The following IGFN1 variants were observed in gnomAD, a reference collection of about 807,000 sequenced individuals.
IGFN1 encodes the protein immunoglobulin like and fibronectin type III domain containing 1.
In IGFN1, 253 loss-of-function variants were observed where a neutral mutation model predicts 289.5. The observed-to-expected ratio is 0.87, with a 90% CI of 0.79 to 0.97. The LOEUF (loss-of-function observed/expected upper bound fraction) is 0.97, where lower values mean the gene tolerates loss of function less well. Among genes scored for constraint, IGFN1 ranks in the 50% least tolerant of loss-of-function variants. The pLI is 0.00. For synonymous variants in IGFN1, 1,706 were observed against 1,788.5 expected, an observed-to-expected ratio of 0.95 and a Z score of 1.16; for missense variants, 4,470 against 4,686.1, an observed-to-expected ratio of 0.95 and a Z score of 1.35.
intron 21 of IGFN1, 105 bp from the exon 22 acceptor site, chr1:201,225,719 G>C: frequency 1.0e-6 from 1 of 985,302 alleles, no homozygotes; most frequent in South Asian, 1.7e-5. Context: ...TGTGTGGCAA[G>C]ACTGCGTTCC....
rs1667856428 is a variant in IGFN1, at chr1:201,212,300, C to T, written c.7407C>T (p.Gly2469=). ...DERGSTKDLG[G]YGTSGIPEAS... ...GAGGCTCCACCAAAGATCTTGGGGG[C>T]TATGGAACTTCAGGGATCCCTGAGG... is the stretch of plus-strand genomic sequence containing the variant. Residue 2469 remains glycine (G), a synonymous_variant, in exon 12 of 24, where the codon GGC becomes GGT. Transcript: ENST00000335211. The T allele has an allele frequency of 6.5e-7, 1 of 1,536,486 alleles. No individual in the cohort carries two copies. The highest frequency in any genetic ancestry group is 8.7e-7 in the Non-Finnish European group (1 of 1,146,742).
intron 15 of IGFN1, 67 bp from the exon 16 acceptor site, chr1:201,216,387 G>A (rs536457217): frequency 7.5e-7 from 1 of 1,330,926 alleles, no homozygotes; most frequent in Non-Finnish European, 1.0e-6. Flanking sequence ...GAGTTGGGGG[G>A]GTTGGCGCTG....
intron 5 of IGFN1, among the ~76,000 whole-genome samples, chr1:201,198,718 C>T (rs555512398): frequency 4.6e-5 from 7 of 152,184 alleles, no homozygotes; most frequent in South Asian, 4.1e-4. Context: ...TGAACCATCA[C>T]GACCAGTCCA....
chr1:201,226,914 G>C lies in IGFN1; in HGVS notation c.10819G>C (p.Glu3607Gln), dbSNP rs768031064. 8 of 1,606,842 alleles carry C rather than the reference G, an allele frequency of 5.0e-6. No individual in the cohort carries two copies. The Admixed American group carries it at 1.2e-4, about 24-fold the overall frequency. ...CACAGTGAAGGCTCCGTGCTACCGG[G>C]AGCCCGACCTGAGCCAGAAGCCCCG... ...RFTVKAPCYR[E>Q]PDLSQKPRFL... The change falls in exon 23 of 24, where the codon GAG becomes CAG. Residue 3607 changes from glutamate (E) to glutamine (Q), a missense_variant. Physicochemically the swap from Glu to Gln is conservative, Grantham distance 29. This residue lies in a region of IGFN1 where 2,218 missense variants were observed against 2,114.1 expected (regional missense o/e 1.05). Transcript: ENST00000335211.
Position 201,215,846 on chromosome 1 carries a change from C to A in IGFN1, c.9295+8C>A. On this transcript the variant is annotated splice_region_variant and intron_variant, in intron 15 of 23. Transcript: ENST00000335211. Reference sequence around the variant, plus strand: ...TCACTCTGCAAGTCATAGGTACCAGCCCTGTCTTCCCCCAACTAAGGCCTG... The same window carrying A: ...TCACTCTGCAAGTCATAGGTACCAGACCTGTCTTCCCCCAACTAAGGCCTG... The A allele has an allele frequency of 2.5e-6, 4 of 1,604,322 alleles. No homozygotes were observed. Among genetic ancestry groups the A allele is most frequent in the Non-Finnish European group, 8.5e-7 (1 of 1,175,772 alleles).
intron 8 of IGFN1, 44 bp downstream of exon 8, chr1:201,200,455 A>C: frequency 6.8e-7 from 1 of 1,480,264 alleles, no homozygotes; most frequent in Non-Finnish European, 9.2e-7. Flanking sequence ...CCCACCCCAC[A>C]CACCTGGACC....
chr1:201,195,608 G>A (rs1666883419), intron 3 of IGFN1, among the ~76,000 whole-genome samples: 1 of 152,110 alleles, frequency 6.6e-6, no homozygotes, highest in Non-Finnish European at 1.5e-5. Flanking sequence ...AGCAGCCCAA[G>A]CTTCTGCAAT....
chr1:201,200,205 C>T, intron 7 of IGFN1, 32 bp from the exon 8 acceptor site: 14 of 1,538,462 alleles, frequency 9.1e-6, no homozygotes, highest in Non-Finnish European at 1.1e-5. Flanking sequence ...AGGGATTCCT[C>T]TGGCCTCTGA....
rs764226660 is a variant in IGFN1 at position 201,221,677 on chromosome 1, G to A, written c.10132G>A (p.Ala3378Thr). The A allele has an allele frequency of 4.2e-5, 68 of 1,613,886 alleles. No individual in the cohort carries two copies. Among genetic ancestry groups the A allele is most frequent in the Non-Finnish European group, 5.7e-5 (67 of 1,179,938 alleles). ...PGEGYFVRVT[A>T]VNEGGQSQPS... is the part of the protein sequence containing the mutation. The stretch of plus-strand genomic sequence containing the variant: ...AGAGGGCTACTTCGTGCGGGTGACA[G>A]CAGTTAATGAAGGAGGCCAGAGCCA... Residue 3378 changes from alanine (A) to threonine (T), a missense_variant, in exon 19 of 24, where the codon GCA becomes ACA. Coordinates refer to ENST00000335211, the MANE Select transcript of IGFN1 (RefSeq NM_001164586.2).
chr1:201,217,590 T>A, intron 17 of IGFN1, 130 bp downstream of exon 17: 1 of 893,250 alleles, frequency 1.1e-6, no homozygotes, highest in Non-Finnish European at 1.7e-6. Flanking sequence ...TCTGGAGATA[T>A]TTTTCGTGGT....
intron 9 of IGFN1, among the ~76,000 whole-genome samples, chr1:201,202,512 T>G (rs1667207157): frequency 6.6e-6 from 1 of 151,970 alleles, no homozygotes; most frequent in Non-Finnish European, 1.5e-5. Context: ...TTTGCCCAGG[T>G]GTTCCCTCTG....
chr1:201,215,455 A>T, intron 14 of IGFN1, 84 bp from the exon 15 acceptor site: 1 of 1,288,272 alleles, frequency 7.8e-7, no homozygotes, highest in Non-Finnish European at 1.1e-6. Context: ...TCTTCCCCCA[A>T]ACTTCCTTCT....
At position 201,212,218 on chromosome 1, in the gene IGFN1, TCAGGGGCA is replaced by T; in HGVS notation, c.7332_7339del (p.Thr2445AlafsTer13). The T allele has an allele frequency of 6.5e-7, 1 of 1,534,342 alleles. No homozygotes were observed. On this transcript the variant is annotated frameshift_variant, in exon 12 of 24. Coordinates refer to ENST00000335211, the MANE Select transcript of IGFN1 (RefSeq NM_001164586.2). LOFTEE classifies it high-confidence loss of function. The stretch of plus-strand genomic sequence containing the variant: ...GGTGGCATGGCACACAGAGACAGCC[TCAGGGGCA>T]CAGGGGTGCTGGGGTCTCAGGGAGG...
chr1:201,203,678 TG>T, intron 9 of IGFN1, 59 bp from the exon 10 acceptor site: 1 of 1,485,790 alleles, frequency 6.7e-7, no homozygotes, highest in Non-Finnish European at 9.1e-7. Flanking sequence ...AGAATGGGAC[TG>T]GGGCAGGAAG....
rs1300705821 is a variant in IGFN1, at chr1:201,211,554, C to G, written c.6661C>G (p.Pro2221Ala). The change falls in exon 12 of 24, where the codon CCT becomes GCT. Residue 2221 changes from proline to alanine, a missense_variant. This residue lies in a region of IGFN1 where 2,218 missense variants were observed against 2,114.1 expected (regional missense o/e 1.05). Coordinates refer to ENST00000335211, the MANE Select transcript of IGFN1 (RefSeq NM_001164586.2). ...KAGYRKDLGA[P>A]KGMGSGSKAG... Reference sequence around the variant, plus strand: ...AGGTTATAGGAAGGATTTGGGGGCTCCTAAGGGAATGGGTTCAGGGAGTAA... The same window carrying G: ...AGGTTATAGGAAGGATTTGGGGGCTGCTAAGGGAATGGGTTCAGGGAGTAA... 2.0e-6 allele frequency: 3 copies of G among 1,520,810 alleles called. No homozygotes were observed. The Admixed American group carries it at 6.1e-5, about 31-fold the overall frequency. The allele number at this position is 1,520,810 out of a possible 1,614,324, so 94.2% of individuals were successfully genotyped here. A position where few individuals can be genotyped will look rare whatever the true frequency, so the allele number is the denominator to read the frequency against.
At chr1:201,228,194 TGGTTCCCCGAGG>T (rs1264914025) in intron 23 of IGFN1, among the ~76,000 whole-genome samples, 180 bp from the exon 24 acceptor site, 1 of 152,202 alleles carries the variant, frequency 6.6e-6, no homozygotes, top group Non-Finnish European at 1.5e-5. Context: ...GGGGTGATTA[TGGTTCCCCGAGG>T]GGCCAGCAAA....
rs1332302368 is a variant in IGFN1 at position 201,209,140 on chromosome 1, G to T, written c.4247G>T (p.Gly1416Val). The T allele has an allele frequency of 6.6e-7, 1 of 1,524,160 alleles. No individual in the cohort carries two copies. Among genetic ancestry groups the T allele is most frequent in the African/African-American group, 1.4e-5 (1 of 70,726 alleles). 94.4% of individuals were successfully genotyped at this position (1,524,160 alleles called of 1,614,324 possible). The change falls in exon 12 of 24, where the codon GGT becomes GTT. Residue 1416 changes from glycine (G) to valine (V), a missense_variant. By Grantham distance (109) the Gly-to-Val change is moderately radical. This residue lies in a region of IGFN1 where 2,011 missense variants were observed against 1,953.4 expected (regional missense o/e 1.03). Coordinates refer to ENST00000335211, the MANE Select transcript of IGFN1 (RefSeq NM_001164586.2). ...DESGHRNGIG[G>V]YGEMGSGYRE... ...TCAGGTCATAGGAATGGGATTGGAG[G>T]TTATGGGGAAATGGGGTCAGGTTAT...
rs918747863 is a variant in IGFN1 at position 201,207,798 on chromosome 1, A to C, written c.2905A>C (p.Ser969Arg). ...ATATTCTAGGGAAATAAGCTCTAAA[A>C]GCGGGGCTGGTTATAGCTATGGCTC... ...LGYSREISSKSGAGYSYGSGV... is the reference protein window; with the variant it reads ...LGYSREISSKRGAGYSYGSGV... Residue 969 changes from serine to arginine, a missense_variant, in exon 12 of 24, where the codon AGC becomes CGC. By Grantham distance (110) the Ser-to-Arg change is moderately radical. Transcript: ENST00000335211. The C allele has an allele frequency of 5.9e-6, 9 of 1,536,072 alleles. No individual in the cohort carries two copies. The African/African-American group carries it at 9.6e-5, about 16-fold the overall frequency.
At chr1:201,221,844 C>A in intron 19 of IGFN1, 98 bp downstream of exon 19, 1 of 1,042,170 alleles carries the variant, frequency 9.6e-7, no homozygotes. Flanking sequence ...CCAGGATCCC[C>A]ACCCTCAGTT....
Sources: allele counts gnomAD v4.1 joint callset (sites outside exome capture counted in the v4.1 genomes callset), GRCh38; gene constraint gnomAD v4.1.1; regional missense constraint gnomAD v4.1.1; transcripts MANE v1.5; gene names NCBI Gene and HGNC (gene_info 2026-07-23, HGNC 2026-07-21).